CPNE5: variants seen among roughly 807,000 people sequenced by gnomAD.
CPNE5 encodes copine-5.
In CPNE5, 42 loss-of-function variants were observed where a neutral mutation model predicts 81.1. That is an observed-to-expected ratio of 0.52 (90% confidence interval 0.40 to 0.67). The LOEUF is 0.67. Ranked by LOEUF, CPNE5 falls within the 30% of genes least tolerant of loss-of-function variation. The pLI is 0.00. For synonymous variants in CPNE5, 313 were observed against 321.5 expected (o/e 0.97, Z 0.28); for missense variants, 612 against 815.5 (o/e 0.75, Z 3.04).
chr6:36,778,734 C>T, intron 9 of CPNE5, 120 bp downstream of exon 9: 1 of 738,630 alleles, frequency 1.4e-6, no homozygotes, highest in Non-Finnish European at 2.4e-6. Context: ...CCCTTGCCCT[C>T]TCTAGAGCAG....
chr6:36,813,096 A>G (rs1771240835), intron 3 of CPNE5, among the ~76,000 whole-genome samples: 1 of 152,344 alleles, frequency 6.6e-6, no homozygotes, highest in Middle Eastern at 3.4e-3. Context: ...GTTCATGCCC[A>G]CCACAGTCTT....
intron 10 of CPNE5, 31 bp from the exon 11 acceptor site, chr6:36,765,407 C>T (rs755771045): frequency 2.9e-5 from 47 of 1,613,706 alleles, no homozygotes; most frequent in Non-Finnish European, 3.9e-5. Flanking sequence ...CTGGGATGGG[C>T]CCAACCCCAC....
At chr6:36,751,831 T>C (rs1321702621) in intron 14 of CPNE5, among the ~76,000 whole-genome samples, 1 of 147,958 alleles carries the variant, frequency 6.8e-6, no homozygotes, top group African/African-American at 2.4e-5. Context: ...AAAATAAACA[T>C]AAATAAAAAT....
intron 17 of CPNE5, 99 bp downstream of exon 17, chr6:36,745,289 G>C: frequency 6.8e-7 from 1 of 1,476,892 alleles, no homozygotes; most frequent in Non-Finnish European, 9.2e-7. Flanking sequence ...TGAAAGGCAA[G>C]TGCGTGGGAA....
chr6:36,817,383 G>A (rs756190232), intron 3 of CPNE5, among the ~76,000 whole-genome samples: 1 of 152,136 alleles, frequency 6.6e-6, no homozygotes, highest in Admixed American at 6.5e-5. Flanking sequence ...GGTGGCCCAC[G>A]TGGCTGAGCT....
intron 1 of CPNE5, among the ~76,000 whole-genome samples, chr6:36,837,077 T>G (rs756352843): frequency 1.3e-5 from 2 of 152,172 alleles, no homozygotes; most frequent in Non-Finnish European, 2.9e-5. Context: ...CATCTTTACT[T>G]CCAGAAAGCA....
chr6:36,818,057 G>C (rs1304181911), intron 3 of CPNE5, among the ~76,000 whole-genome samples: 1 of 152,118 alleles, frequency 6.6e-6, no homozygotes, highest in East Asian at 1.9e-4. Context: ...GCTCAACTCA[G>C]CTCCTCCACA....
At position 36,822,303 on chromosome 6, in the gene CPNE5, G is replaced by A. The variant is rs1772125307; in HGVS notation, c.137-143C>T. 3 of 532,682 alleles carry A rather than the reference G, an allele frequency of 5.6e-6. No individual in the cohort carries two copies. In the African/African-American group the frequency reaches 5.8e-5, roughly 10 times the overall value. The allele number at this position is 532,682 out of a possible 1,614,324, so 33.0% of individuals were successfully genotyped here. A position where few individuals can be genotyped will look rare whatever the true frequency, so the allele number is the denominator to read the frequency against. On this transcript the variant is annotated intron_variant, in intron 2 of 20. Coordinates refer to ENST00000244751, the MANE Select transcript of CPNE5 (RefSeq NM_020939.2). Reference sequence around the variant, plus strand: ...TTGGATCTGGGTAGGGGTAGAGGGTGTCTCCTGGGGTGGCTGAGATCTTGG... The same window carrying A: ...TTGGATCTGGGTAGGGGTAGAGGGTATCTCCTGGGGTGGCTGAGATCTTGG...
chr6:36,778,766 C>T, intron 9 of CPNE5, 88 bp downstream of exon 9: 1 of 926,818 alleles, frequency 1.1e-6, no homozygotes, highest in Non-Finnish European at 1.7e-6. Flanking sequence ...CCCAAGCCAC[C>T]CTGCCTGGCA....
At chr6:36,831,044 AT>A (rs1186604902) in intron 1 of CPNE5, among the ~76,000 whole-genome samples, 7 of 151,670 alleles carry the variant, frequency 4.6e-5, no homozygotes, top group Non-Finnish European at 4.4e-5. Flanking sequence ...AATTCTTTTT[AT>A]TTTATTTATT....
At chr6:36,770,574 G>A (rs776523348) in intron 10 of CPNE5, among the ~76,000 whole-genome samples, 31 of 151,842 alleles carry the variant, frequency 2.0e-4, no homozygotes, top group Non-Finnish European at 3.7e-4. Context: ...ATCCCTGACC[G>A]TGCCGCCCTC....
intron 18 of CPNE5, 26 bp from the exon 19 acceptor site, chr6:36,744,351 A>T: frequency 6.4e-7 from 1 of 1,566,920 alleles, no homozygotes; most frequent in South Asian, 1.2e-5. Context: ...GGGGGCAGGG[A>T]AAGGTTGGAC....
intron 1 of CPNE5, among the ~76,000 whole-genome samples, chr6:36,835,773 C>A (rs1393646764): frequency 2.0e-5 from 3 of 150,794 alleles, no homozygotes; most frequent in Admixed American, 2.0e-4. Flanking sequence ...TCCAGCACTC[C>A]AGCCTGGGCA....
intron 9 of CPNE5, 99 bp downstream of exon 9, chr6:36,778,755 G>T: frequency 1.2e-6 from 1 of 865,908 alleles, no homozygotes; most frequent in Admixed American, 1.8e-5. Flanking sequence ...AAGGAGATGG[G>T]CCCAAGCCAC....
At chr6:36,834,555 C>T (rs548050392) in intron 1 of CPNE5, among the ~76,000 whole-genome samples, 36 of 151,792 alleles carry the variant, frequency 2.4e-4, no homozygotes, top group African/African-American at 8.5e-4. Flanking sequence ...ACTCAAGAGG[C>T]TGAGGCAGGA....
Position 36,766,837 on chromosome 6 carries a change from C to T in CPNE5, c.738-1461G>A, listed in dbSNP as rs574044128. 2.6e-5 allele frequency among the ~76,000 whole-genome samples: 4 copies of T among 152,278 alleles called. No individual in the cohort carries two copies. Among genetic ancestry groups the T allele is most frequent in the East Asian group, 1.9e-4 (1 of 5,186 alleles). On this transcript the variant is annotated intron_variant, in intron 10 of 20. Transcript: ENST00000244751. This position sits in a 1 kb window ranked among gnomAD's most constrained non-coding sequence, Gnocchi z 4.2. ...TTCTCTCCACTTCATCATTTGGCCG[C>T]GCTCTGATAGGTTTTTGTTTGTTTG...
chr6:36,775,834 C>T (rs77638699), intron 9 of CPNE5, among the ~76,000 whole-genome samples: 1,791 of 152,174 alleles, frequency 0.012, 35 homozygotes, highest in African/African-American at 0.04. Context: ...CTCTTTTGAT[C>T]ACTGGCACAT....
chr6:36,804,963 C>T (rs1246071028), intron 3 of CPNE5, among the ~76,000 whole-genome samples: 1 of 152,134 alleles, frequency 6.6e-6, no homozygotes, highest in Non-Finnish European at 1.5e-5. Flanking sequence ...AATCTGGGGA[C>T]TTACTGAAGA....
At chr6:36,838,833 G>C (rs1444516029) in intron 1 of CPNE5, 2 of 725,408 alleles carry the variant, frequency 2.8e-6, no homozygotes, top group Non-Finnish European at 3.4e-6. Context: ...AGGATGCTGG[G>C]GCAAAGAAGG....
Sources: allele counts gnomAD v4.1 joint callset (sites outside exome capture counted in the v4.1 genomes callset), GRCh38; gene constraint gnomAD v4.1.1; non-coding constraint Gnocchi (gnomAD v3.1); transcripts MANE v1.5; gene names NCBI Gene and HGNC (gene_info 2026-07-23, HGNC 2026-07-21).